Variants in OXR1 observed in about 807,000 individuals in gnomAD.
OXR1 encodes oxidation resistance 1, also known as oxidation resistance protein 1.
A neutral mutation model predicts 104.6 loss-of-function variants in OXR1; 41 were observed. That is an observed-to-expected ratio of 0.39 (90% CI 0.31 to 0.51). The LOEUF is 0.51. OXR1 is among the 20% of genes least tolerant of loss of function. The probability of loss-of-function intolerance (pLI) is 0.77; values close to 1 mark genes in which losing one functional copy is unlikely to be tolerated. For synonymous variants in OXR1, 348 were observed against 348.4 expected, an observed-to-expected ratio of 1.00 and a Z score of 0.01; for missense variants, 955 against 1,031.9, an observed-to-expected ratio of 0.93 and a Z score of 1.02.
At chr8:106,526,435 C>T (rs768536309) in intron 3 of OXR1, among the ~76,000 whole-genome samples, 8 of 152,178 alleles carry the variant, frequency 5.3e-5, no homozygotes, top group Non-Finnish European at 1.0e-4. Context: ...ATCCAGATGT[C>T]CATTTCTACC....
At chr8:106,566,316 G>A (rs1039813265) in intron 3 of OXR1, among the ~76,000 whole-genome samples, 1 of 152,024 alleles carries the variant, frequency 6.6e-6, no homozygotes, top group African/African-American at 2.4e-5. Context: ...TGAAGGATAT[G>A]AACAGACACT....
intron 2 of OXR1, among the ~76,000 whole-genome samples, chr8:106,438,977 G>T (rs1324821184): frequency 1.3e-5 from 2 of 152,226 alleles, no homozygotes; most frequent in Middle Eastern, 3.4e-3. Flanking sequence ...TCCATGAAAG[G>T]TGCTTAGAAC....
intron 11 of OXR1, among the ~76,000 whole-genome samples, chr8:106,723,604 G>A (rs1276211791): frequency 3.9e-5 from 6 of 151,960 alleles, no homozygotes; most frequent in Non-Finnish European, 4.4e-5. Context: ...CCCAGGAGGC[G>A]GAGGTTACAG....
chr8:106,563,307 A>G (rs1443446953), intron 3 of OXR1, among the ~76,000 whole-genome samples: 3 of 151,498 alleles, frequency 2.0e-5, no homozygotes, highest in South Asian at 2.1e-4. Flanking sequence ...AAAAAAAAAA[A>G]AAAAAAAGAA....
At chr8:106,674,921 C>T (rs1827410860) in intron 3 of OXR1, among the ~76,000 whole-genome samples, 1 of 152,126 alleles carries the variant, frequency 6.6e-6, no homozygotes, top group Admixed American at 6.6e-5. Context: ...AATTAAACCT[C>T]TTTCCTTTCT....
intron 3 of OXR1, among the ~76,000 whole-genome samples, chr8:106,594,008 T>C (rs917620413): frequency 6.6e-6 from 1 of 152,182 alleles, no homozygotes; most frequent in East Asian, 1.9e-4. Context: ...TTAAGGTACG[T>C]CAAACTGGAA....
chr8:106,610,508 T>C lies in OXR1; in HGVS notation c.221-68702T>C, dbSNP rs191756858. Reference sequence around the variant, plus strand: ...TTACAATGCATGTGAAGACACTGGTTCTTGCTTATTTTTCTAACCTCATCT... The same window carrying C: ...TTACAATGCATGTGAAGACACTGGTCCTTGCTTATTTTTCTAACCTCATCT... On this transcript the variant is annotated intron_variant, in intron 3 of 16. Coordinates refer to ENST00000517566, the MANE Select transcript of OXR1 (RefSeq NM_001198533.2). Among the ~76,000 whole-genome samples the C allele has an allele frequency of 9.9e-5, 15 of 152,252 alleles. No individual in the cohort carries two copies. In the East Asian group the frequency reaches 2.9e-3, roughly 29 times the overall value.
chr8:106,624,714 G>A (rs923310396), intron 3 of OXR1, among the ~76,000 whole-genome samples: 1 of 152,150 alleles, frequency 6.6e-6, no homozygotes, highest in Admixed American at 6.6e-5. Flanking sequence ...GCTCTGCACT[G>A]TAAAAAACCT....
intron 2 of OXR1, among the ~76,000 whole-genome samples, chr8:106,511,112 G>A (rs1320889787): frequency 6.6e-6 from 1 of 152,144 alleles, no homozygotes. Flanking sequence ...TAAAGCATAA[G>A]TTTCCAATCT....
At chr8:106,297,809 CTT>C (rs1195170857) in intron 1 of OXR1, among the ~76,000 whole-genome samples, 3 of 152,112 alleles carry the variant, frequency 2.0e-5, no homozygotes, top group Non-Finnish European at 4.4e-5. Context: ...ATGCACAACT[CTT>C]TGCCTAAGAA....
intron 3 of OXR1, among the ~76,000 whole-genome samples, chr8:106,660,743 T>G (rs184197404): frequency 6.6e-6 from 1 of 152,304 alleles, no homozygotes; most frequent in East Asian, 1.9e-4. Context: ...CCAGTTGCGG[T>G]GGCTCACGTC....
chr8:106,298,211 C>T (rs1308103518), intron 1 of OXR1, among the ~76,000 whole-genome samples: 1 of 152,062 alleles, frequency 6.6e-6, no homozygotes, highest in Non-Finnish European at 1.5e-5. Flanking sequence ...CAAAGACATA[C>T]CCAAGACTGG....
intron 1 of OXR1, among the ~76,000 whole-genome samples, chr8:106,308,797 T>G (rs1813570577): frequency 6.6e-6 from 1 of 152,216 alleles, no homozygotes; most frequent in Admixed American, 6.5e-5. Flanking sequence ...AAAAATCAGC[T>G]AAATGTGTAC....
intron 3 of OXR1, among the ~76,000 whole-genome samples, chr8:106,545,920 C>T (rs1012840224): frequency 3.3e-5 from 5 of 150,736 alleles, no homozygotes; most frequent in South Asian, 2.1e-4. Context: ...TGCTTGAACC[C>T]GGGAGGCAGA....
intron 3 of OXR1, among the ~76,000 whole-genome samples, chr8:106,597,889 T>C (rs960213865): frequency 3.3e-5 from 5 of 152,176 alleles, no homozygotes; most frequent in African/African-American, 7.2e-5. Context: ...TCTAGCTACT[T>C]CCTTTCACTA....
intron 2 of OXR1, among the ~76,000 whole-genome samples, chr8:106,415,745 C>G (rs75231488): frequency 0.015 from 2,353 of 152,136 alleles, 64 homozygotes; most frequent in African/African-American, 0.054. Context: ...ATTTTTGCCT[C>G]TTTGTCTGCA....
chr8:106,365,526 A>G (rs1438702912), intron 2 of OXR1, among the ~76,000 whole-genome samples: 2 of 152,154 alleles, frequency 1.3e-5, no homozygotes, highest in Non-Finnish European at 2.9e-5. Flanking sequence ...GTAAAGTATC[A>G]TTATTTGGGT....
intron 1 of OXR1, among the ~76,000 whole-genome samples, chr8:106,356,279 A>G (rs1815966547): frequency 6.6e-6 from 1 of 152,198 alleles, no homozygotes; most frequent in Non-Finnish European, 1.5e-5. Context: ...CAAGATTTGC[A>G]TCTCAAAGGG....
At chr8:106,609,101 C>A (rs1217292705) in intron 3 of OXR1, among the ~76,000 whole-genome samples, 1 of 151,978 alleles carries the variant, frequency 6.6e-6, no homozygotes, top group Non-Finnish European at 1.5e-5. Flanking sequence ...CTTAGTTGAT[C>A]TTAGTAAAAG....
Sources: allele counts gnomAD v4.1 joint callset (sites outside exome capture counted in the v4.1 genomes callset), GRCh38; gene constraint gnomAD v4.1.1; transcripts MANE v1.5; gene names NCBI Gene and HGNC (gene_info 2026-07-23, HGNC 2026-07-21).